CEP135: variants seen among roughly 807,000 people sequenced by gnomAD.
The protein encoded by CEP135 is centrosomal protein 135.
Under a neutral mutation model 157.3 loss-of-function variants are expected in CEP135, and 142 were observed. The observed-to-expected ratio is 0.90, with a 90% confidence interval of 0.79 to 1.04. The LOEUF (loss-of-function observed/expected upper bound fraction) is 1.04, where lower values mean the gene tolerates loss of function less well. CEP135 is among the 50% of genes least tolerant of loss of function. The probability of loss-of-function intolerance (pLI) is 0.00; values close to 1 mark genes in which losing one functional copy is unlikely to be tolerated. For missense variants in CEP135, 1,317 were observed against 1,309.2 expected (o/e 1.01, Z -0.09); for synonymous variants, 396 against 439.8 (o/e 0.90, Z 1.25).
At position 56,017,722 on chromosome 4, in the gene CEP135, G is replaced by A. The variant is rs184110326; in HGVS notation, c.2877G>A (p.Glu959=). The change falls in exon 22 of 26, where the codon GAG becomes GAA. Residue 959 remains glutamate, a synonymous_variant. Coordinates refer to ENST00000257287, the MANE Select transcript of CEP135 (RefSeq NM_025009.5). ...AAGCCATGTCTCGATTAGAAGAAGA[G>A]CTGAGACATCAAGAAGATGAGAAAG... ...MAKAMSRLEE[E]LRHQEDEKAT... is the part of the protein sequence containing the mutation. The A allele has an allele frequency of 1.2e-6, 2 of 1,613,914 alleles. No individual in the cohort carries two copies. Among genetic ancestry groups the A allele is most frequent in the African/African-American group, 1.3e-5 (1 of 75,046 alleles).
At position 55,999,349 on chromosome 4, in the gene CEP135, G is replaced by A. The variant is rs1476764151; in HGVS notation, c.2057G>A (p.Arg686Gln). 10 of 1,614,004 alleles carry A rather than the reference G, an allele frequency of 6.2e-6. No homozygotes were observed. Among genetic ancestry groups the A allele is most frequent in the South Asian group, 2.2e-5 (2 of 91,086 alleles). Residue 686 changes from arginine (R) to glutamine (Q), a missense_variant, in exon 16 of 26, where the codon CGA (arginine) becomes CAA (glutamine). Physicochemically the swap from Arg to Gln is conservative, Grantham distance 43 (BLOSUM62 1). Transcript: ENST00000257287. Reference protein sequence around the residue: ...LQRSVDDYQHRLSIKRGELES... With the variant: ...LQRSVDDYQHQLSIKRGELES... ...CGGTCAGTTGATGACTATCAGCACC[G>A]ACTTTCCATAAAAAGAGGTGAACTT... is the stretch of plus-strand genomic sequence containing the variant.
At chr4:55,974,601 A>G (rs759648125) in intron 10 of CEP135, 145 bp from the exon 11 acceptor site, 6 of 593,074 alleles carry the variant, frequency 1.0e-5, no homozygotes, top group Middle Eastern at 4.9e-4. Flanking sequence ...TTACCTCTTC[A>G]ATAGATTTGG....
At chr4:56,010,080 T>G (rs954333039) in intron 19 of CEP135, among the ~76,000 whole-genome samples, 177 bp downstream of exon 19, 3 of 152,142 alleles carry the variant, frequency 2.0e-5, no homozygotes, top group African/African-American at 7.2e-5. Flanking sequence ...CCGGGCGCAG[T>G]GGCTCACACC....
Position 55,971,302 on chromosome 4 carries a change from A to G in CEP135, c.1143A>G (p.Arg381=). 6.2e-7 allele frequency: 1 copy of G among 1,602,302 alleles called. No homozygotes were observed. Among genetic ancestry groups the G allele is most frequent in the Non-Finnish European group, 8.5e-7 (1 of 1,175,266 alleles). The part of the protein sequence containing the change: ...ELNLCQKEKE[R]LSDELLVKSD... ...ACTTATGCCAGAAAGAAAAGGAGAG[A>G]CTGAGTGATGAACTCCTTGTAAAAT... Residue 381 remains arginine, a synonymous_variant, in exon 10 of 26, where the codon AGA becomes AGG. Transcript: ENST00000257287.
intron 17 of CEP135, among the ~76,000 whole-genome samples, chr4:56,005,514 G>A (rs576054603): frequency 5.3e-5 from 8 of 152,226 alleles, no homozygotes; most frequent in Admixed American, 3.9e-4. Flanking sequence ...TTGACTTGTG[G>A]TTGTCTTAAT....
chr4:55,994,956 G>T (rs1356878486), intron 15 of CEP135, among the ~76,000 whole-genome samples: 1 of 152,148 alleles, frequency 6.6e-6, no homozygotes, highest in Non-Finnish European at 1.5e-5. Flanking sequence ...AAAGTGCTGG[G>T]ATTACAGGTG....
At chr4:55,977,346 C>T (rs926015246) in intron 11 of CEP135, among the ~76,000 whole-genome samples, 9 of 152,174 alleles carry the variant, frequency 5.9e-5, no homozygotes, top group African/African-American at 2.2e-4. Flanking sequence ...TTGTATTCAC[C>T]CTGGTTCCCA....
At chr4:55,993,104 A>G (rs1729848152) in intron 15 of CEP135, among the ~76,000 whole-genome samples, 1 of 152,224 alleles carries the variant, frequency 6.6e-6, no homozygotes, top group African/African-American at 2.4e-5. Context: ...AAAAAGATTT[A>G]ACAAATTAAA....
intron 17 of CEP135, among the ~76,000 whole-genome samples, chr4:56,004,418 G>A (rs1730281561): frequency 6.6e-6 from 1 of 152,146 alleles, no homozygotes; most frequent in Non-Finnish European, 1.5e-5. Flanking sequence ...TGTCAGTTGG[G>A]CATATTTGTC....
chr4:55,952,021 C>A (rs112367504), intron 1 of CEP135, 65 bp from the exon 2 acceptor site: 2 of 529,936 alleles, frequency 3.8e-6, no homozygotes, highest in South Asian at 8.0e-5. Flanking sequence ...ATAATTTTTT[C>A]TTCTTATTGT....
intron 17 of CEP135, among the ~76,000 whole-genome samples, chr4:56,006,485 T>C (rs1730349233): frequency 6.6e-6 from 1 of 152,182 alleles, no homozygotes; most frequent in South Asian, 2.1e-4. Flanking sequence ...AGTGTGGTGA[T>C]GTGCACCTGT....
At chr4:55,998,768 G>A (rs1444141217) in intron 15 of CEP135, among the ~76,000 whole-genome samples, 1 of 152,194 alleles carries the variant, frequency 6.6e-6, no homozygotes. Flanking sequence ...GGGATGCTGA[G>A]GTGGGAGGAT....
chr4:55,974,653 G>A (rs552699274), intron 10 of CEP135, 93 bp from the exon 11 acceptor site: 1 of 878,104 alleles, frequency 1.1e-6, no homozygotes, highest in South Asian at 1.9e-5. Flanking sequence ...ATTTCTAGTA[G>A]CTTTCATTCT....
chr4:55,989,902 CT>C (rs1465119634), intron 14 of CEP135, among the ~76,000 whole-genome samples: 1 of 152,164 alleles, frequency 6.6e-6, no homozygotes, highest in Non-Finnish European at 1.5e-5. Context: ...CAACAATTCC[CT>C]TTCTAGATAT....
At chr4:55,998,968 C>T (rs941083162) in intron 15 of CEP135, among the ~76,000 whole-genome samples, 16 of 152,096 alleles carry the variant, frequency 1.1e-4, no homozygotes, top group African/African-American at 3.9e-4. Flanking sequence ...TCCTTTGCCT[C>T]CACTATTGGA....
chr4:55,973,495 G>A (rs770313482), intron 10 of CEP135, among the ~76,000 whole-genome samples: 2 of 152,146 alleles, frequency 1.3e-5, no homozygotes, highest in African/African-American at 2.4e-5. Flanking sequence ...TGTGCATCTT[G>A]TTCCTTCCTG....
chr4:55,976,097 T>G (rs889502600), intron 11 of CEP135, among the ~76,000 whole-genome samples: 1 of 151,442 alleles, frequency 6.6e-6, no homozygotes, highest in African/African-American at 2.4e-5. Context: ...AAAAGAAAAA[T>G]TAAAAAATTA....
At chr4:55,957,182 T>G (rs1445122442) in intron 4 of CEP135, 41 bp from the exon 5 acceptor site, 1 of 1,600,464 alleles carries the variant, frequency 6.2e-7, no homozygotes, top group Admixed American at 1.7e-5. Flanking sequence ...AAGACATGGT[T>G]TTGTTTCTTC....
intron 25 of CEP135, among the ~76,000 whole-genome samples, chr4:56,031,009 G>A (rs1246831568): frequency 6.6e-6 from 1 of 151,936 alleles, no homozygotes; most frequent in Admixed American, 6.6e-5. Flanking sequence ...GCCAGGCATG[G>A]TGATGTGCAC....
Sources: allele counts gnomAD v4.1 joint callset (sites outside exome capture counted in the v4.1 genomes callset), GRCh38; gene constraint gnomAD v4.1.1; transcripts MANE v1.5; gene names NCBI Gene and HGNC (gene_info 2026-07-23, HGNC 2026-07-21).